HTR5A: variants seen among roughly 807,000 people sequenced by gnomAD.
The protein encoded by HTR5A is 5-HT-5.
Under a neutral mutation model 24.3 loss-of-function variants are expected in HTR5A, and 21 were observed. The observed-to-expected ratio is 0.86, with a 90% CI of 0.61 to 1.24. HTR5A has a LOEUF of 1.24. HTR5A is among the 50% of genes most tolerant of loss of function. The pLI, the probability that HTR5A is intolerant of heterozygous loss-of-function variation, is 0.00. For synonymous variants in HTR5A, 260 were observed against 213.7 expected (o/e 1.22, Z -1.89); for missense variants, 497 against 489.5 (o/e 1.02, Z -0.15).
At chr7:155,073,916 T>TACATATATATATAC (rs1563419752) in intron 1 of HTR5A, among the ~76,000 whole-genome samples, 42 of 131,678 alleles carry the variant, frequency 3.2e-4, no homozygotes, top group African/African-American at 8.8e-4. Flanking sequence ...TATATATATA[T>TACATATATATATAC]GTATATATAT....
chr7:155,080,927 G>T (rs751871515), intron 1 of HTR5A, among the ~76,000 whole-genome samples: 1 of 152,166 alleles, frequency 6.6e-6, no homozygotes, highest in Non-Finnish European at 1.5e-5. Flanking sequence ...GACCTTAATT[G>T]GCTGACTTTC....
In HTR5A at chr7:155,070,794, G is replaced by A. The variant is rs1795280080; in HGVS notation, c.-106G>A. ...GGCACTTTCCAGAAACTCCCCCACT[G>A]GCCAGAGGTTGCAAACATCCGGATT... On this transcript the variant is annotated 5_prime_UTR_variant, in exon 1 of 2. Transcript: ENST00000287907. The A allele has an allele frequency of 8.3e-7, 1 of 1,201,796 alleles. No homozygotes were observed. Among genetic ancestry groups the A allele is most frequent in the Non-Finnish European group, 1.2e-6 (1 of 857,986 alleles). 74.4% of individuals were successfully genotyped at this position (1,201,796 alleles called of 1,614,324 possible). A position where few individuals can be genotyped will look rare whatever the true frequency, so the allele number is the denominator to read the frequency against.
intron 1 of HTR5A, among the ~76,000 whole-genome samples, chr7:155,075,849 T>TA (rs35219965): frequency 0.082 from 12,458 of 151,394 alleles, 1,656 homozygotes; most frequent in African/African-American, 0.28. Context: ...ATGACAACTT[T>TA]AAAAAAAAAC....
At chr7:155,074,439 G>A (rs1172271356) in intron 1 of HTR5A, among the ~76,000 whole-genome samples, 1 of 152,210 alleles carries the variant, frequency 6.6e-6, no homozygotes, top group Non-Finnish European at 1.5e-5. Context: ...GGGAGGTATG[G>A]AGCCTCACGG....
At position 155,085,315 on chromosome 7, in the gene HTR5A, A is replaced by G. The variant is rs909372636; in HGVS notation, c.*828A>G. On this transcript the variant is annotated 3_prime_UTR_variant, in exon 2 of 2. Coordinates refer to ENST00000287907, the MANE Select transcript of HTR5A (RefSeq NM_024012.4). The stretch of plus-strand genomic sequence containing the variant: ...TACTGGTTTCACGCGCGTGGACTAT[A>G]TTCCAGTGTTTCTAGTCAAAGACCT... The G allele has an allele frequency of 6.6e-6, 1 of 152,226 alleles. No homozygotes were observed. The highest frequency in any genetic ancestry group is 2.4e-5 in the African/African-American group (1 of 41,446). The allele number at this position is 152,226 out of a possible 1,614,324, so 9.4% of individuals were successfully genotyped here. A position where few individuals can be genotyped will look rare whatever the true frequency, so the allele number is the denominator to read the frequency against.
chr7:155,084,003 A>G (rs1795446754), intron 1 of HTR5A, 152 bp from the exon 2 acceptor site: 23 of 616,886 alleles, frequency 3.7e-5, no homozygotes, highest in Non-Finnish European at 6.2e-5. Context: ...CATATCTGAG[A>G]GCGAGTGCCA....
rs369729113 is a variant in HTR5A at position 155,071,001 on chromosome 7, C to T, written c.102C>T (p.Pro34=). 1.7e-5 allele frequency: 28 copies of T among 1,611,922 alleles called. No homozygotes were observed. The highest frequency in any genetic ancestry group is 2.2e-5 in the Non-Finnish European group (26 of 1,180,046). ...AAGACGACCTGCGCCCCAGCTCGCC[C>T]CTGCTCTCGGTCTTCGGAGTGCTTA... is the stretch of plus-strand genomic sequence containing the variant. The part of the protein sequence containing the change: ...LGKDDLRPSS[P]LLSVFGVLIL... The change falls in exon 1 of 2, where the codon CCC becomes CCT. Residue 34 remains proline (P), a synonymous_variant. Transcript: ENST00000287907.
rs187833908 is a variant in HTR5A, at chr7:155,071,688, G to T, written c.741+48G>T. ...AAAATACTCGACTTGCATCTGTACA[G>T]GCTATATCCCCAGGCCACCTGCCCC... On this transcript the variant is annotated intron_variant, in intron 1 of 1. Coordinates refer to ENST00000287907, the MANE Select transcript of HTR5A (RefSeq NM_024012.4). 38 of 1,573,368 alleles carry T rather than the reference G, an allele frequency of 2.4e-5. No homozygotes were observed. The African/African-American group carries it at 4.7e-4, about 20-fold the overall frequency.
rs760159283 is a variant in HTR5A at position 155,084,326 on chromosome 7, G to A, written c.913G>A (p.Glu305Lys). The part of the protein sequence containing the change: ...VLCWIPFFLT[E>K]LISPLCSCDI... ...CTGCTGGATCCCCTTCTTTCTCACC[G>A]AGCTCATCAGTCCCCTCTGCTCCTG... The change falls in exon 2 of 2, where the codon GAG becomes AAG. Residue 305 changes from glutamate (E) to lysine (K), a missense_variant. Coordinates refer to ENST00000287907, the MANE Select transcript of HTR5A (RefSeq NM_024012.4). The A allele has an allele frequency of 7.4e-6, 12 of 1,613,934 alleles. No individual in the cohort carries two copies. Among genetic ancestry groups the A allele is most frequent in the East Asian group, 4.5e-5 (2 of 44,884 alleles).
chr7:155,082,248 A>G (rs1464231555), intron 1 of HTR5A, among the ~76,000 whole-genome samples: 2 of 149,984 alleles, frequency 1.3e-5, no homozygotes, highest in Admixed American at 1.3e-4. Context: ...GGGGTCACCA[A>G]TGTGACCAGC....
chr7:155,084,284 A>T lies in HTR5A; in HGVS notation c.871A>T (p.Ile291Phe). The change falls in exon 2 of 2, where the codon ATT (isoleucine) becomes TTT (phenylalanine). Residue 291 changes from isoleucine to phenylalanine, a missense_variant. By Grantham distance (21) the Ile-to-Phe change is conservative (BLOSUM62 0). Coordinates refer to ENST00000287907, the MANE Select transcript of HTR5A (RefSeq NM_024012.4). ...GGCCGCCCTCATGGTGGGCATCCTC[A>T]TTGGCGTGTTCGTGCTCTGCTGGAT... ...QRAALMVGIL[I>F]GVFVLCWIPF... The T allele has an allele frequency of 6.2e-7, 1 of 1,614,142 alleles. No homozygotes were observed. Among genetic ancestry groups the T allele is most frequent in the Non-Finnish European group, 8.5e-7 (1 of 1,180,024 alleles).
In HTR5A at chr7:155,086,218, C is replaced by T. The variant is rs1013016495; in HGVS notation, c.*1731C>T. Reference sequence around the variant, plus strand: ...AAGGGAAGGGAAGTGTTTGAAAAACCTTATTAAGTACCCCATGGCAGAGAA... The same window carrying T: ...AAGGGAAGGGAAGTGTTTGAAAAACTTTATTAAGTACCCCATGGCAGAGAA... On this transcript the variant is annotated 3_prime_UTR_variant, in exon 2 of 2. Transcript: ENST00000287907. Among the ~76,000 whole-genome samples, 4 of 152,096 alleles carry T rather than the reference C, an allele frequency of 2.6e-5. No homozygotes were observed. The highest frequency in any genetic ancestry group is 2.1e-4 in the South Asian group (1 of 4,818).
At chr7:155,073,101 A>T (rs1418188430) in intron 1 of HTR5A, among the ~76,000 whole-genome samples, 3 of 152,082 alleles carry the variant, frequency 2.0e-5, no homozygotes. Flanking sequence ...CGGGCAGATC[A>T]CAAGGTCAGG....
chr7:155,081,939 T>C (rs1795422009), intron 1 of HTR5A, among the ~76,000 whole-genome samples: 1 of 152,220 alleles, frequency 6.6e-6, no homozygotes. Context: ...CACAAGGTAA[T>C]AGAAAAATAT....
At chr7:155,081,176 C>T (rs1795413013) in intron 1 of HTR5A, among the ~76,000 whole-genome samples, 1 of 152,046 alleles carries the variant, frequency 6.6e-6, no homozygotes, top group African/African-American at 2.4e-5. Context: ...CTCCTGTGAC[C>T]CATCTCTCAT....
In HTR5A at chr7:155,071,616, C is replaced by T. The variant is rs1374191124; in HGVS notation, c.717C>T (p.Val239=). The T allele has an allele frequency of 1.9e-6, 3 of 1,614,112 alleles. No individual in the cohort carries two copies. Among genetic ancestry groups the T allele is most frequent in the Non-Finnish European group, 2.5e-6 (3 of 1,180,000 alleles). ...TGGGCTCCAGGAAGACCAATAGCGT[C>T]TCACCCATATCCGAAGCTGTGGAGG... is the stretch of plus-strand genomic sequence containing the variant. The part of the protein sequence containing the change: ...FRVGSRKTNS[V]SPISEAVEVK... Residue 239 remains valine, a synonymous_variant, in exon 1 of 2, where the codon GTC becomes GTT. Coordinates refer to ENST00000287907, the MANE Select transcript of HTR5A (RefSeq NM_024012.4).
chr7:155,073,898 T>TACAC (rs1474604416), intron 1 of HTR5A, among the ~76,000 whole-genome samples: 9 of 21,370 alleles, frequency 4.2e-4, no homozygotes, highest in African/African-American at 5.2e-4. Flanking sequence ...TGTATATATA[T>TACAC]ATATATATAT....
In HTR5A at chr7:155,087,153, G is replaced by T. The variant is rs189313622; in HGVS notation, c.*2666G>T. On this transcript the variant is annotated 3_prime_UTR_variant, in exon 2 of 2. Coordinates refer to ENST00000287907, the MANE Select transcript of HTR5A (RefSeq NM_024012.4). ...ATCAGTTTTATATTTTCATTGTGCG[G>T]TAGTGAAAGACAAGTGGAAGATGTC... 1.3e-5 allele frequency among the ~76,000 whole-genome samples: 2 copies of T among 152,202 alleles called. No individual in the cohort carries two copies. The highest frequency in any genetic ancestry group is 2.9e-5 in the Non-Finnish European group (2 of 68,000).
At chr7:155,081,741 A>G (rs909642783) in intron 1 of HTR5A, among the ~76,000 whole-genome samples, 4 of 152,196 alleles carry the variant, frequency 2.6e-5, no homozygotes, top group Non-Finnish European at 4.4e-5. Context: ...GCCATAGAGT[A>G]AGAAAACAAT....
Sources: allele counts gnomAD v4.1 joint callset (sites outside exome capture counted in the v4.1 genomes callset), GRCh38; gene constraint gnomAD v4.1.1; transcripts MANE v1.5; gene names NCBI Gene and HGNC (gene_info 2026-07-23, HGNC 2026-07-21).